The following FCMR variants were observed in gnomAD, a reference collection of about 807,000 sequenced individuals.
FCMR encodes the protein Fc mu receptor, also known as immunoglobulin mu Fc receptor.
In FCMR, 34 loss-of-function variants were observed where a neutral mutation model predicts 41.6. That is an observed-to-expected ratio of 0.82 (90% confidence interval 0.62 to 1.09). The LOEUF (loss-of-function observed/expected upper bound fraction) is 1.09, where lower values mean the gene tolerates loss of function less well. Ranked by LOEUF, FCMR falls within the 50% of genes least tolerant of loss-of-function variation. The probability of loss-of-function intolerance (pLI) is 0.00; values close to 1 mark genes in which losing one functional copy is unlikely to be tolerated. For missense variants in FCMR, 496 were observed against 512.5 expected, an observed-to-expected ratio of 0.97 and a Z score of 0.31; for synonymous variants, 209 against 211.8, an observed-to-expected ratio of 0.99 and a Z score of 0.12.
At chr1:206,919,264 G>T (rs1160542124) in intron 1 of FCMR, among the ~76,000 whole-genome samples, 1 of 152,156 alleles carries the variant, frequency 6.6e-6, no homozygotes, top group Non-Finnish European at 1.5e-5. Flanking sequence ...ATTGAAAGGG[G>T]GCCCAGAGTC....
Position 206,909,240 on chromosome 1 carries a change from C to T in FCMR, c.1044+222G>A, listed in dbSNP as rs1044194923. ...GTGACAACTGCTTGGCTAGAAGCCACGGAACCAGGTCTTCTACAGTTCCCG... is the reference window on the plus strand; with the variant it reads ...GTGACAACTGCTTGGCTAGAAGCCATGGAACCAGGTCTTCTACAGTTCCCG... On this transcript the variant is annotated intron_variant, in intron 7 of 7. Coordinates refer to ENST00000367091, the MANE Select transcript of FCMR (RefSeq NM_005449.5). This position sits in a 1 kb window ranked among gnomAD's most constrained non-coding sequence, Gnocchi z 5.0. Among the ~76,000 whole-genome samples the T allele has an allele frequency of 1.3e-5, 2 of 152,196 alleles. No homozygotes were observed. The highest frequency in any genetic ancestry group is 2.9e-5 in the Non-Finnish European group (2 of 68,038).
At chr1:206,910,886 TTG>T (rs61104420) in intron 4 of FCMR, among the ~76,000 whole-genome samples, 11 of 151,642 alleles carry the variant, frequency 7.3e-5, no homozygotes, top group African/African-American at 9.7e-5. Context: ...TAAGCCAGAT[TTG>T]TGTGTGTGTG....
At chr1:206,919,642 C>T (rs1282334701) in intron 1 of FCMR, among the ~76,000 whole-genome samples, 6 of 152,072 alleles carry the variant, frequency 3.9e-5, no homozygotes, top group Admixed American at 2.6e-4. Flanking sequence ...GTGCCTCCCC[C>T]GGCCTGCAAA....
At chr1:206,906,399 G>T in intron 7 of FCMR, 2 of 181,796 alleles carry the variant, frequency 1.1e-5, no homozygotes, top group South Asian at 1.4e-4. Flanking sequence ...CTCGATGTAT[G>T]ACATGATTTT....
intron 7 of FCMR, among the ~76,000 whole-genome samples, chr1:206,906,756 A>G (rs931525007): frequency 6.6e-6 from 1 of 151,866 alleles, no homozygotes; most frequent in Non-Finnish European, 1.5e-5. Context: ...GTGCAGGCCC[A>G]GGTGAGGGTC....
At chr1:206,920,920 A>G (rs1408948731) in intron 1 of FCMR, among the ~76,000 whole-genome samples, 2 of 152,210 alleles carry the variant, frequency 1.3e-5, no homozygotes, top group Non-Finnish European at 2.9e-5. Flanking sequence ...ATGAGGATAC[A>G]TGGGAAGAGG....
intron 4 of FCMR, 67 bp downstream of exon 4, chr1:206,911,663 T>C (rs954765209): frequency 6.9e-7 from 1 of 1,442,414 alleles, no homozygotes. Flanking sequence ...ATAATGGACA[T>C]TGCAGTGGGT....
chr1:206,913,399 G>GTGTC (rs1295810685), intron 2 of FCMR, among the ~76,000 whole-genome samples: 8 of 152,176 alleles, frequency 5.3e-5, no homozygotes, highest in African/African-American at 1.9e-4. Flanking sequence ...GGATAAATTA[G>GTGTC]TGTCTTTCCT....
chr1:206,908,150 G>A (rs774009142), intron 7 of FCMR: 9 of 1,404,084 alleles, frequency 6.4e-6, no homozygotes, highest in Non-Finnish European at 8.9e-6. Context: ...ATGAGGCTAC[G>A]GAAACGGGCC....
Position 206,909,921 on chromosome 1 carries a change from C to G in FCMR, c.842-53G>C. On this transcript the variant is annotated intron_variant, in intron 5 of 7. Transcript: ENST00000367091. This position sits in a 1 kb window ranked among gnomAD's most constrained non-coding sequence, Gnocchi z 5.0. ...AGGAAAATGGCATCAGAGGCCCGTG[C>G]CACCCTCCCCAAACGAAAGGCTGCC... is the stretch of plus-strand genomic sequence containing the variant. 7.3e-7 allele frequency: 1 copy of G among 1,366,386 alleles called. No individual in the cohort carries two copies. The allele number at this position is 1,366,386 out of a possible 1,614,324, so 84.6% of individuals were successfully genotyped here.
chr1:206,917,762 G>A (rs1212857807), intron 1 of FCMR: 2 of 451,416 alleles, frequency 4.4e-6, no homozygotes, highest in Admixed American at 2.4e-5. Flanking sequence ...GAATAGCTGA[G>A]ATCACAGGCG....
chr1:206,916,305 G>T (rs1006499244), intron 1 of FCMR, among the ~76,000 whole-genome samples: 4 of 152,230 alleles, frequency 2.6e-5, no homozygotes, highest in Non-Finnish European at 4.4e-5. Context: ...CCACCTGTGT[G>T]GGAAGTTGAA....
At chr1:206,910,531 T>C (rs1678893868) in intron 4 of FCMR, among the ~76,000 whole-genome samples, 191 bp from the exon 5 acceptor site, 1 of 152,230 alleles carries the variant, frequency 6.6e-6, no homozygotes, top group Admixed American at 6.5e-5. Context: ...AAATTCATAT[T>C]CCGCCTTTTA....
rs1379143007 is a variant in FCMR at position 206,904,394 on chromosome 1, T to G, written c.*625A>C. ...AGTAAAGAGAATTTATGGATATATA[T>G]GCATATCTTGCTAATAAGTTTGGTT... On this transcript the variant is annotated 3_prime_UTR_variant, in exon 8 of 8. Coordinates refer to ENST00000367091, the MANE Select transcript of FCMR (RefSeq NM_005449.5). The G allele has an allele frequency of 2.6e-5, 4 of 152,932 alleles. No individual in the cohort carries two copies. The highest frequency in any genetic ancestry group is 5.8e-5 in the Non-Finnish European group (4 of 68,608). 9.5% of individuals were successfully genotyped at this position (152,932 alleles called of 1,614,324 possible).
intron 1 of FCMR, 54 bp from the exon 2 acceptor site, chr1:206,914,148 G>T: frequency 7.2e-7 from 1 of 1,389,804 alleles, no homozygotes. Flanking sequence ...CTATATCCCA[G>T]CCCCATCTAC....
At chr1:206,907,110 G>GT (rs1678694123) in intron 7 of FCMR, among the ~76,000 whole-genome samples, 1 of 122,094 alleles carries the variant, frequency 8.2e-6, no homozygotes, top group Non-Finnish European at 1.8e-5. Context: ...GGGTGGGGGG[G>GT]GGGTGGGGGC....
rs955194120 is a variant in FCMR, at chr1:206,916,025, C to T, written c.38-1931G>A. 5.3e-5 allele frequency among the ~76,000 whole-genome samples: 8 copies of T among 151,882 alleles called. No individual in the cohort carries two copies. The South Asian group carries it at 1.5e-3, about 28-fold the overall frequency. On this transcript the variant is annotated intron_variant, in intron 1 of 7. Coordinates refer to ENST00000367091, the MANE Select transcript of FCMR (RefSeq NM_005449.5). The stretch of plus-strand genomic sequence containing the variant: ...GGTGGGGAGATTTGGAGAGGGAGGA[C>T]GTACAGGAGGACATTGAGATCTAAA...
intron 7 of FCMR, chr1:206,907,703 C>A: frequency 1.1e-6 from 1 of 876,350 alleles, no homozygotes; most frequent in Non-Finnish European, 2.0e-6. Context: ...CTAGGTACTG[C>A]TGGGCTGGAA....
At chr1:206,912,203 C>T (rs1408458568) in intron 3 of FCMR, among the ~76,000 whole-genome samples, 6 of 152,178 alleles carry the variant, frequency 3.9e-5, no homozygotes, top group African/African-American at 1.4e-4. Flanking sequence ...CTTGCCCCCT[C>T]TGAGCAGGGG....
Sources: gnomAD v4.1 joint callset for allele counts (sites outside exome capture counted in the v4.1 genomes callset) on GRCh38, gnomAD v4.1.1 for gene constraint, Gnocchi (gnomAD v3.1) non-coding constraint, MANE v1.5 for transcripts, NCBI Gene and HGNC (gene_info 2026-07-23, HGNC 2026-07-21) for gene names.